KCNK1: variants seen among roughly 807,000 people sequenced by gnomAD.
The protein encoded by KCNK1 is potassium two pore domain channel subfamily K member 1.
In KCNK1, 10 loss-of-function variants were observed where a neutral mutation model predicts 22.2. That is an observed-to-expected ratio of 0.45 (90% CI 0.28 to 0.76). KCNK1 has a LOEUF of 0.76. KCNK1 is among the 30% of genes least tolerant of loss of function. The pLI is 0.14. For synonymous variants in KCNK1, 200 were observed against 186.4 expected (o/e 1.07, Z -0.60); for missense variants, 378 against 421.0 (o/e 0.90, Z 0.89).
intron 1 of KCNK1, chr1:233,655,676 AC>A (rs1388712337): frequency 1.3e-5 from 2 of 152,370 alleles, no homozygotes; most frequent in African/African-American, 4.8e-5. Flanking sequence ...TATAAAAGAG[AC>A]ATAAGAGGGA....
chr1:233,632,474 ATTTC>A (rs1305090607), intron 1 of KCNK1, among the ~76,000 whole-genome samples: 1 of 151,924 alleles, frequency 6.6e-6, no homozygotes, highest in Non-Finnish European at 1.5e-5. Flanking sequence ...CCGGGACTGG[ATTTC>A]TTTCTTTCTT....
chr1:233,653,370 T>A (rs1410998250), intron 1 of KCNK1, among the ~76,000 whole-genome samples: 1 of 152,206 alleles, frequency 6.6e-6, no homozygotes, highest in Non-Finnish European at 1.5e-5. Context: ...TGAATAATAA[T>A]AAAACTTACA....
At chr1:233,626,267 G>A (rs1353622393) in intron 1 of KCNK1, among the ~76,000 whole-genome samples, 4 of 152,096 alleles carry the variant, frequency 2.6e-5, no homozygotes, top group African/African-American at 7.2e-5. Context: ...TGACCCCCGG[G>A]TTTCTGACCT....
chr1:233,666,541 T>C (rs1469199648), intron 1 of KCNK1, 54 bp from the exon 2 acceptor site: 19 of 1,523,990 alleles, frequency 1.2e-5, no homozygotes, highest in Non-Finnish European at 1.5e-5. Context: ...TTTAAAAACG[T>C]GTTTGCCACT....
At chr1:233,654,659 T>C (rs1448128323) in intron 1 of KCNK1, among the ~76,000 whole-genome samples, 2 of 152,186 alleles carry the variant, frequency 1.3e-5, no homozygotes, top group Non-Finnish European at 2.9e-5. Flanking sequence ...ATGCCTGTAG[T>C]CCTAACTGTT....
At chr1:233,620,780 G>C (rs1657572573) in intron 1 of KCNK1, among the ~76,000 whole-genome samples, 1 of 151,994 alleles carries the variant, frequency 6.6e-6, no homozygotes, top group East Asian at 1.9e-4. Flanking sequence ...AGAGGGAAAG[G>C]CACAGCTATG....
intron 1 of KCNK1, among the ~76,000 whole-genome samples, chr1:233,619,509 A>G (rs1657540869): frequency 6.6e-6 from 1 of 152,224 alleles, no homozygotes; most frequent in African/African-American, 2.4e-5. Context: ...CAAATAAAGA[A>G]GATGGGAAGA....
At chr1:233,619,245 A>T (rs997594972) in intron 1 of KCNK1, among the ~76,000 whole-genome samples, 1 of 151,850 alleles carries the variant, frequency 6.6e-6, no homozygotes, top group Non-Finnish European at 1.5e-5. Context: ...TTGGTCTCAA[A>T]CTTGTTGCCT....
intron 1 of KCNK1, 133 bp downstream of exon 1, chr1:233,614,659 C>T: frequency 1.4e-6 from 1 of 692,960 alleles, no homozygotes; most frequent in Non-Finnish European, 2.4e-6. Context: ...GCTCCTCCAG[C>T]CCGCCTCCCC....
intron 1 of KCNK1, among the ~76,000 whole-genome samples, chr1:233,644,566 T>G (rs547742907): frequency 6.6e-6 from 1 of 152,130 alleles, no homozygotes; most frequent in African/African-American, 2.4e-5. Flanking sequence ...GAGGCTATTA[T>G]AGGAAGGGTG....
intron 1 of KCNK1, chr1:233,631,624 G>T (rs865853011): frequency 3.9e-6 from 1 of 254,072 alleles, no homozygotes; most frequent in Non-Finnish European, 7.8e-6. Context: ...AAAATGTGGC[G>T]TGTGTCAGGG....
chr1:233,665,503 A>G (rs1658472697), intron 1 of KCNK1, among the ~76,000 whole-genome samples: 1 of 151,078 alleles, frequency 6.6e-6, no homozygotes, highest in Admixed American at 6.6e-5. Flanking sequence ...TCAATAGATA[A>G]GTGTTACAGA....
chr1:233,626,948 T>C (rs574539446), intron 1 of KCNK1, among the ~76,000 whole-genome samples: 32 of 152,252 alleles, frequency 2.1e-4, no homozygotes, highest in African/African-American at 7.2e-4. Flanking sequence ...TAATATTAAA[T>C]AAAGCCACCA....
intron 1 of KCNK1, among the ~76,000 whole-genome samples, chr1:233,645,422 G>A (rs1032283842): frequency 7.9e-5 from 12 of 152,158 alleles, no homozygotes; most frequent in African/African-American, 2.4e-4. Flanking sequence ...CCAATGGGAA[G>A]TATTCTTATA....
chr1:233,635,940 T>C (rs1254857368), intron 1 of KCNK1, among the ~76,000 whole-genome samples: 1 of 152,240 alleles, frequency 6.6e-6, no homozygotes, highest in Non-Finnish European at 1.5e-5. Context: ...TTGGGTAGGC[T>C]TCTCTGAGTA....
At chr1:233,621,576 A>C (rs1010312818) in intron 1 of KCNK1, among the ~76,000 whole-genome samples, 1 of 152,222 alleles carries the variant, frequency 6.6e-6, no homozygotes, top group Non-Finnish European at 1.5e-5. Context: ...ATATCTCAAC[A>C]TGTTTCTACT....
At position 233,624,623 on chromosome 1, in the gene KCNK1, AG is replaced by A. The variant is rs545132298; in HGVS notation, c.355+10099del. 3.6e-3 allele frequency among the ~76,000 whole-genome samples: 544 copies of A among 152,336 alleles called. 6 individuals are homozygous for A. Among genetic ancestry groups the A allele is most frequent in the African/African-American group, 0.012 (518 of 41,582 alleles). ...CTGTGCCTTTTCTGAAAAATGAAGA[AG>A]GTTCTAAAGATGTTACTTCTATTCA... On this transcript the variant is annotated intron_variant, in intron 1 of 2. Coordinates refer to ENST00000366621, the MANE Select transcript of KCNK1 (RefSeq NM_002245.4).
At chr1:233,667,244 C>A (rs556602570) in intron 2 of KCNK1, among the ~76,000 whole-genome samples, 6 of 152,286 alleles carry the variant, frequency 3.9e-5, no homozygotes, top group African/African-American at 1.4e-4. Flanking sequence ...AGGGGTCATT[C>A]ATAAAAGCAC....
intron 1 of KCNK1, among the ~76,000 whole-genome samples, chr1:233,643,491 C>G (rs1217559672): frequency 6.6e-6 from 1 of 152,170 alleles, no homozygotes; most frequent in Admixed American, 6.5e-5. Flanking sequence ...TCCCTATGGT[C>G]AGTTCTCTTT....
Sources: allele counts gnomAD v4.1 joint callset (sites outside exome capture counted in the v4.1 genomes callset), GRCh38; gene constraint gnomAD v4.1.1; transcripts MANE v1.5; gene names NCBI Gene and HGNC (gene_info 2026-07-23, HGNC 2026-07-21).